SLC8A1: variants seen among roughly 807,000 people sequenced by gnomAD.
SLC8A1 encodes the protein solute carrier family 8 member A1.
In SLC8A1, 18 loss-of-function variants were observed where a neutral mutation model predicts 68.3. The ratio of observed to expected loss-of-function variants is 0.26; its 90% CI spans 0.18 to 0.39. The LOEUF is 0.39. Among genes scored for constraint, SLC8A1 ranks in the 10% least tolerant of loss-of-function variants. The pLI is 1.00. For missense variants in SLC8A1, 985 were observed against 1,156.7 expected, an observed-to-expected ratio of 0.85 and a Z score of 2.15; for synonymous variants, 475 against 415.5, an observed-to-expected ratio of 1.14 and a Z score of -1.74.
At chr2:40,452,464 A>G (rs1367092250), upstream of SLC8A1, among the ~76,000 whole-genome samples, 1 of 152,082 alleles carries the variant, frequency 6.6e-6, no homozygotes. Context: ...CACCCAGCCC[A>G]TCGATGACAC....
intron 2 of SLC8A1, among the ~76,000 whole-genome samples, chr2:40,427,834 C>T (rs895086806): frequency 3.3e-5 from 5 of 152,072 alleles, no homozygotes; most frequent in Admixed American, 6.6e-5. Context: ...AAAATAAAAC[C>T]GGACTTGAAC....
intron 1 of SLC8A1, among the ~76,000 whole-genome samples, chr2:40,511,346 C>G (rs766713435): frequency 6.6e-6 from 1 of 151,980 alleles, no homozygotes; most frequent in Non-Finnish European, 1.5e-5. Context: ...ATAATTTTTT[C>G]TCTTGACTTT....
intron 2 of SLC8A1, among the ~76,000 whole-genome samples, chr2:40,192,473 A>T (rs901346483): frequency 6.6e-6 from 1 of 152,088 alleles, no homozygotes; most frequent in African/African-American, 2.4e-5. Flanking sequence ...ACAATTTCTT[A>T]TTGAATTTTA....
chr2:40,358,445 C>G (rs1412942667), intron 2 of SLC8A1, among the ~76,000 whole-genome samples: 1 of 152,126 alleles, frequency 6.6e-6, no homozygotes, highest in Non-Finnish European at 1.5e-5. Context: ...GTGAATATAT[C>G]AGAAATCTCT....
chr2:40,428,325 A>T (rs1576412408), intron 2 of SLC8A1, 148 bp downstream of exon 2: 5 of 1,349,372 alleles, frequency 3.7e-6, no homozygotes, highest in Admixed American at 3.5e-5. Flanking sequence ...GCAAAGACTG[A>T]TATCTTGAAA....
At chr2:40,504,741 C>T (rs950689825) in intron 1 of SLC8A1, among the ~76,000 whole-genome samples, 1 of 151,832 alleles carries the variant, frequency 6.6e-6, no homozygotes, top group African/African-American at 2.4e-5. Context: ...CAGAGAAATG[C>T]AAATCAAAAC....
rs371395367 is a variant in SLC8A1, at chr2:40,212,281, A to ATGTTTTTTTTTTTTTTTTT, written c.1809-34427_1809-34426insAAAAAAAAAAAAAAAAACA. On this transcript the variant is annotated intron_variant, in intron 2 of 7. Coordinates refer to ENST00000406785, the Ensembl canonical transcript of SLC8A1. ...AGGTGCTAAACAGAAGAGATGCAAT[A>ATGTTTTTTTTTTTTTTTTT]TCTTTTTTTTTTTTTTTTTTCCTGA... is the stretch of plus-strand genomic sequence containing the variant. Among the ~76,000 whole-genome samples, 3 of 118,212 alleles carry ATGTTTTTTTTTTTTTTTTT rather than the reference A, an allele frequency of 2.5e-5. 1 individual carries two copies. Among genetic ancestry groups the ATGTTTTTTTTTTTTTTTTT allele is most frequent in the Non-Finnish European group, 5.3e-5 (3 of 56,666 alleles). The allele number at this position is 118,212 out of a possible 152,430, so 77.6% of individuals were successfully genotyped here. A position where few individuals can be genotyped will look rare whatever the true frequency, so the allele number is the denominator to read the frequency against.
chr2:40,412,227 G>A (rs1334829814), intron 2 of SLC8A1, among the ~76,000 whole-genome samples: 2 of 152,022 alleles, frequency 1.3e-5, no homozygotes, highest in African/African-American at 4.8e-5. Flanking sequence ...ATGCAACTGC[G>A]ACCATGTCTA....
At chr2:40,502,089 C>A (rs544805984) in intron 1 of SLC8A1, among the ~76,000 whole-genome samples, 1 of 152,164 alleles carries the variant, frequency 6.6e-6, no homozygotes, top group African/African-American at 2.4e-5. Context: ...CCATTTGGTT[C>A]TTTCTAGGCC....
intron 1 of SLC8A1, among the ~76,000 whole-genome samples, chr2:40,492,642 T>C (rs1187975443): frequency 1.3e-5 from 2 of 148,186 alleles, no homozygotes; most frequent in Non-Finnish European, 3.0e-5. Flanking sequence ...TCAAACAAAT[T>C]TACAAGAAAA....
chr2:40,431,409 G>C (rs1449094640), intron 1 of SLC8A1, among the ~76,000 whole-genome samples: 1 of 152,096 alleles, frequency 6.6e-6, no homozygotes, highest in Non-Finnish European at 1.5e-5. Context: ...AAGGACTGTA[G>C]GCAAGGAGGG....
intron 2 of SLC8A1, among the ~76,000 whole-genome samples, chr2:40,265,639 A>T (rs1398501958): frequency 6.6e-6 from 1 of 152,160 alleles, no homozygotes; most frequent in African/African-American, 2.4e-5. Context: ...TTCTGTGGCT[A>T]ACAAAATCAA....
At chr2:40,399,015 G>A (rs1411753988) in intron 2 of SLC8A1, among the ~76,000 whole-genome samples, 1 of 152,096 alleles carries the variant, frequency 6.6e-6, no homozygotes, top group Non-Finnish European at 1.5e-5. Context: ...GGAATGTAAA[G>A]TCACAAACAG....
chr2:40,338,602 CAATGATT>C (rs1217347366), intron 2 of SLC8A1, among the ~76,000 whole-genome samples: 1 of 152,086 alleles, frequency 6.6e-6, no homozygotes, highest in African/African-American at 2.4e-5. Flanking sequence ...AAATACAAGT[CAATGATT>C]ACTGAGACTA....
chr2:40,448,143 CTGTT>C (rs1701789386), intron 1 of SLC8A1, among the ~76,000 whole-genome samples: 1 of 152,112 alleles, frequency 6.6e-6, no homozygotes, highest in African/African-American at 2.4e-5. Context: ...AGAAAATGGA[CTGTT>C]TGATTAATAA....
chr2:40,415,424 T>C (rs1476716332), intron 2 of SLC8A1, among the ~76,000 whole-genome samples: 1 of 140,498 alleles, frequency 7.1e-6, no homozygotes, highest in Non-Finnish European at 1.6e-5. Flanking sequence ...CTAATCCATA[T>C]GGAAAAAAAA....
At chr2:40,150,491 C>A (rs745925718) in intron 6 of SLC8A1, among the ~76,000 whole-genome samples, 5 of 152,182 alleles carry the variant, frequency 3.3e-5, no homozygotes, top group Non-Finnish European at 5.9e-5. Flanking sequence ...ATGCCTCACA[C>A]CTTGATTTGC....
chr2:40,454,887 T>G (rs975476479), upstream of SLC8A1, among the ~76,000 whole-genome samples: 1 of 152,184 alleles, frequency 6.6e-6, no homozygotes, highest in Non-Finnish European at 1.5e-5. Context: ...AAGGAAAAAG[T>G]GAGGCTGCTG....
chr2:40,428,977 T>C, exon 2 of SLC8A1: 1 of 1,613,838 alleles, frequency 6.2e-7, no homozygotes. Context: ...GTTAGTCAAA[T>C]CACCACCTCT....
Sources: gnomAD v4.1 joint callset for allele counts (sites outside exome capture counted in the v4.1 genomes callset) on GRCh38, gnomAD v4.1.1 for gene constraint, MANE v1.5 for transcripts, NCBI Gene and HGNC (gene_info 2026-07-23, HGNC 2026-07-21) for gene names.